The following FBXW10B variants were observed in gnomAD, a reference collection of about 807,000 sequenced individuals.
FBXW10B encodes the protein F-box and WD repeat domain containing protein 10B.
chr17:15,612,366 T>C, the FBXW10B span, among the ~76,000 whole-genome samples: 1 of 151,472 alleles, frequency 6.6e-6, no homozygotes, highest in East Asian at 1.9e-4. Context: ...TACAAAAAAT[T>C]AGCCGGGCTT....
the FBXW10B span, among the ~76,000 whole-genome samples, chr17:15,592,728 GC>G: frequency 6.6e-6 from 1 of 151,786 alleles, no homozygotes; most frequent in Non-Finnish European, 1.5e-5. Context: ...GCAAGCAGGG[GC>G]TGCACATTGG....
At chr17:15,568,787 A>C in the FBXW10B span, 1 of 1,101,980 alleles carries the variant, frequency 9.1e-7, no homozygotes, top group East Asian at 3.2e-5. Context: ...AGGCACCTAT[A>C]AGCCATCCTA....
At chr17:15,566,050 C>T in the FBXW10B span, 5 of 1,607,928 alleles carry the variant, frequency 3.1e-6, no homozygotes, top group Middle Eastern at 1.7e-4. Flanking sequence ...AATACTGGTT[C>T]GTTTCACATC....
the FBXW10B span, chr17:15,605,158 T>C: frequency 2.5e-6 from 4 of 1,578,956 alleles, no homozygotes; most frequent in African/African-American, 5.5e-5. Context: ...GCATGCACAC[T>C]TCTTCCATGA....
At chr17:15,619,084 C>A in the FBXW10B span, 3 of 1,613,822 alleles carry the variant, frequency 1.9e-6, no homozygotes, top group South Asian at 1.1e-5. Context: ...TGGGGTTGCA[C>A]ATCTGCAGCA....
At chr17:15,598,774 A>T in the FBXW10B span, 2 of 1,466,448 alleles carry the variant, frequency 1.4e-6, no homozygotes, top group South Asian at 1.4e-5. Flanking sequence ...TTCAGCTTAG[A>T]GTCAGGGGCC....
chr17:15,583,601 C>G, the FBXW10B span, among the ~76,000 whole-genome samples: 1 of 150,524 alleles, frequency 6.6e-6, no homozygotes, highest in Non-Finnish European at 1.5e-5. Context: ...CCACAGGAAG[C>G]TCCTCCCAGG....
At chr17:15,570,635 C>T in the FBXW10B span, among the ~76,000 whole-genome samples, 1 of 152,200 alleles carries the variant, frequency 6.6e-6, no homozygotes, top group Non-Finnish European at 1.5e-5. Context: ...GGCACATACA[C>T]TGGAAAGAAA....
chr17:15,567,133 G>A, the FBXW10B span, among the ~76,000 whole-genome samples: 11 of 151,668 alleles, frequency 7.3e-5, no homozygotes, highest in Admixed American at 4.6e-4. Context: ...TTAGCCGGGC[G>A]TGGTGGCAGG....
chr17:15,590,165 T>A, the FBXW10B span, among the ~76,000 whole-genome samples: 3 of 150,902 alleles, frequency 2.0e-5, no homozygotes, highest in Non-Finnish European at 4.4e-5. Flanking sequence ...TGTCTCCTCA[T>A]CTCCCACATG....
chr17:15,610,418 T>A, the FBXW10B span, among the ~76,000 whole-genome samples: 2 of 152,202 alleles, frequency 1.3e-5, no homozygotes, highest in Admixed American at 6.5e-5. Flanking sequence ...TACATCTTTC[T>A]GCAGCTGCAG....
chr17:15,591,683 A>G, the FBXW10B span, among the ~76,000 whole-genome samples: 1 of 138,636 alleles, frequency 7.2e-6, no homozygotes, highest in African/African-American at 3.0e-5. Context: ...ATGTCTTGAA[A>G]TTCAGTGTTT....
At chr17:15,566,250 T>C in the FBXW10B span, 1 of 1,610,590 alleles carries the variant, frequency 6.2e-7, no homozygotes, top group Non-Finnish European at 8.5e-7. Flanking sequence ...TCAGGAGGAA[T>C]TGGTCAGGTG....
the FBXW10B span, chr17:15,568,958 C>G: frequency 8.7e-5 from 107 of 1,231,614 alleles, no homozygotes; most frequent in African/African-American, 1.6e-3. Flanking sequence ...CAGCTGACTT[C>G]TCTGCCTTCT....
the FBXW10B span, among the ~76,000 whole-genome samples, chr17:15,567,271 CAA>C: frequency 6.2e-4 from 74 of 119,138 alleles, no homozygotes; most frequent in African/African-American, 1.8e-3. Flanking sequence ...GACTCCATCT[CAA>C]AAAAAAAAAA....
the FBXW10B span, among the ~76,000 whole-genome samples, chr17:15,618,478 T>C: frequency 6.6e-6 from 1 of 151,738 alleles, no homozygotes; most frequent in East Asian, 1.9e-4. Flanking sequence ...ATTTGGCCCT[T>C]AAGCTATCTC....
At chr17:15,577,080 G>T in the FBXW10B span, among the ~76,000 whole-genome samples, 1 of 149,198 alleles carries the variant, frequency 6.7e-6, no homozygotes, top group Non-Finnish European at 1.5e-5. Context: ...AAGCTCTGCA[G>T]AGTTTCTAAG....
At chr17:15,583,013 C>T in the FBXW10B span, among the ~76,000 whole-genome samples, 3 of 148,054 alleles carry the variant, frequency 2.0e-5, no homozygotes, top group Non-Finnish European at 4.5e-5. Flanking sequence ...GTGAATTAAA[C>T]AAATGCTTGT....
the FBXW10B span, among the ~76,000 whole-genome samples, chr17:15,592,218 T>C: frequency 6.6e-6 from 1 of 151,042 alleles, no homozygotes; most frequent in Non-Finnish European, 1.5e-5. Flanking sequence ...CAATAAGAAA[T>C]CCCTTTTAGA....
Sources: allele counts gnomAD v4.1 joint callset (sites outside exome capture counted in the v4.1 genomes callset), GRCh38; gene constraint gnomAD v4.1.1; transcripts MANE v1.5; gene names NCBI Gene and HGNC (gene_info 2026-07-23, HGNC 2026-07-21).